Variants in PLCB4 observed in about 807,000 individuals in gnomAD.
PLCB4 encodes phospholipase C beta 4.
Under a neutral mutation model 178.8 loss-of-function variants are expected in PLCB4, and 77 were observed. The observed-to-expected ratio is 0.43, with a 90% CI of 0.36 to 0.52. The LOEUF (loss-of-function observed/expected upper bound fraction) is 0.52. Ranked by LOEUF, PLCB4 falls within the 20% of genes least tolerant of loss-of-function variation. PLCB4 has a pLI of 0.00. For synonymous variants in PLCB4, 496 were observed against 490.8 expected, an observed-to-expected ratio of 1.01 and a Z score of -0.14; for missense variants, 1,024 against 1,453.4, an observed-to-expected ratio of 0.70 and a Z score of 4.80.
At chr20:9,457,288 C>G in intron 33 of PLCB4, 126 bp from the exon 34 acceptor site, 1 of 655,510 alleles carries the variant, frequency 1.5e-6, no homozygotes, top group East Asian at 2.7e-5. Context: ...CCAGTGTTGC[C>G]CAATGAGCCA....
At chr20:9,346,424 C>A (rs2033801207) in intron 7 of PLCB4, among the ~76,000 whole-genome samples, 1 of 152,194 alleles carries the variant, frequency 6.6e-6, no homozygotes, top group Admixed American at 6.5e-5. Context: ...CTGCTGAATA[C>A]TAAAGCAGCT....
chr20:9,196,481 GT>G (rs759703849), intron 2 of PLCB4, among the ~76,000 whole-genome samples: 2 of 152,166 alleles, frequency 1.3e-5, no homozygotes, highest in Non-Finnish European at 2.9e-5. Flanking sequence ...ACAGATGGTT[GT>G]TGCTTCCTTG....
intron 2 of PLCB4, among the ~76,000 whole-genome samples, chr20:9,185,023 A>C (rs1264233761): frequency 1.3e-5 from 2 of 152,206 alleles, no homozygotes; most frequent in African/African-American, 4.8e-5. Context: ...CCTGGGCTCA[A>C]GCCATCCTTC....
chr20:9,401,425 T>A, intron 19 of PLCB4, 65 bp from the exon 20 acceptor site: 1 of 1,070,944 alleles, frequency 9.3e-7, no homozygotes, highest in Non-Finnish European at 1.4e-6. Flanking sequence ...CCCAAGATTG[T>A]GAACAAGGTC....
intron 2 of PLCB4, among the ~76,000 whole-genome samples, chr20:9,154,909 T>TTCCTTCCTTCCC (rs2092759160): frequency 1.5e-5 from 1 of 67,142 alleles, no homozygotes; most frequent in Non-Finnish European, 2.9e-5. Flanking sequence ...CCTTCCCTCC[T>TTCCTTCCTTCCC]TCCTTCCTTC....
intron 2 of PLCB4, among the ~76,000 whole-genome samples, chr20:9,096,618 CAATA>C (rs1046038637): frequency 6.6e-6 from 1 of 152,078 alleles, no homozygotes; most frequent in African/African-American, 2.4e-5. Context: ...TTTTTTATTG[CAATA>C]CATTTATTTC....
intron 4 of PLCB4, among the ~76,000 whole-genome samples, chr20:9,319,600 A>C (rs2094936900): frequency 6.6e-6 from 1 of 152,170 alleles, no homozygotes; most frequent in South Asian, 2.1e-4. Context: ...ATGGTGTGTA[A>C]GTGTCAGTTG....
intron 2 of PLCB4, among the ~76,000 whole-genome samples, chr20:9,179,419 G>T (rs958754126): frequency 1.3e-5 from 2 of 152,128 alleles, no homozygotes; most frequent in Non-Finnish European, 2.9e-5. Context: ...CTAGAAGCTT[G>T]AATGACAATG....
At chr20:9,341,014 A>G (rs1000366198) in intron 7 of PLCB4, among the ~76,000 whole-genome samples, 1 of 152,082 alleles carries the variant, frequency 6.6e-6, no homozygotes, top group Non-Finnish European at 1.5e-5. Context: ...GAGGTAAAGG[A>G]ACTCTGAGAC....
At chr20:9,371,963 G>A (rs1223783183) in intron 10 of PLCB4, among the ~76,000 whole-genome samples, 1 of 152,142 alleles carries the variant, frequency 6.6e-6, no homozygotes, top group African/African-American at 2.4e-5. Context: ...GATTTATTCA[G>A]CATCCCTCAG....
intron 2 of PLCB4, among the ~76,000 whole-genome samples, chr20:9,116,147 G>A (rs1474977): frequency 0.47 from 70,409 of 151,036 alleles, 17,038 homozygotes; most frequent in Middle Eastern, 0.57. Flanking sequence ...GTGTGTGTGC[G>A]CGTGTGTGTG....
Position 9,459,673 on chromosome 20 carries a change from A to G in PLCB4, c.3111A>G (p.Ser1037=), listed in dbSNP as rs1487213944. The change falls in exon 35 of 40, where the codon TCA becomes TCG. Residue 1037 remains serine, a synonymous_variant. Transcript: ENST00000378473. Reference sequence around the variant, plus strand: ...TAGCACAGCACACAAAGGAATGGTCAGAAATGATCAATACCCACAGTGCTG... The same window carrying G: ...TAGCACAGCACACAAAGGAATGGTCGGAAATGATCAATACCCACAGTGCTG... ...EIVAQHTKEW[S]EMINTHSAEE... 1 of 1,613,084 alleles carries G rather than the reference A, an allele frequency of 6.2e-7. No homozygotes were observed. Among genetic ancestry groups the G allele is most frequent in the Non-Finnish European group, 8.5e-7 (1 of 1,179,144 alleles).
intron 3 of PLCB4, among the ~76,000 whole-genome samples, chr20:9,239,185 G>A (rs2094028175): frequency 6.6e-6 from 1 of 152,046 alleles, no homozygotes. Flanking sequence ...TCCTTACCCT[G>A]TAAGATGGTG....
intron 2 of PLCB4, among the ~76,000 whole-genome samples, chr20:9,202,556 G>C (rs761166189): frequency 7.9e-5 from 12 of 151,950 alleles, no homozygotes; most frequent in Non-Finnish European, 1.6e-4. Flanking sequence ...ATTATTCATG[G>C]CATGATGGAC....
In PLCB4 at chr20:9,161,364, T is replaced by C. The variant is rs187440042; in HGVS notation, c.-78-56026T>C. On this transcript the variant is annotated intron_variant, in intron 2 of 39. Coordinates refer to ENST00000378473, the MANE Select transcript of PLCB4 (RefSeq NM_001377142.1). ...TTTTAAAGGGAAAGTTCTAGTTTTA[T>C]AGGGAAGATAACGTTGGCTTGTGAA... Among the ~76,000 whole-genome samples, 36 of 152,356 alleles carry C rather than the reference T, an allele frequency of 2.4e-4. No homozygotes were observed. In the East Asian group the frequency reaches 5.4e-3, roughly 23 times the overall value.
chr20:9,235,385 G>A (rs553335972), intron 3 of PLCB4, among the ~76,000 whole-genome samples: 1 of 152,256 alleles, frequency 6.6e-6, no homozygotes, highest in East Asian at 1.9e-4. Flanking sequence ...GCTCCTGTTA[G>A]GCCATAAATG....
intron 3 of PLCB4, among the ~76,000 whole-genome samples, chr20:9,236,936 A>G (rs1321967884): frequency 6.6e-6 from 1 of 152,156 alleles, no homozygotes; most frequent in Non-Finnish European, 1.5e-5. Flanking sequence ...TTATGTGTTG[A>G]ACACATAGGA....
In PLCB4 at chr20:9,280,301, C is replaced by T. The variant is rs144521776; in HGVS notation, c.-15-27499C>T. On this transcript the variant is annotated intron_variant, in intron 3 of 39. Transcript: ENST00000378473. ...AATTTCTAAGCCCTTTGGTACTCCTCCCATTTCCTGCGGAATTTTGATTGT... is the reference window on the plus strand; with the variant it reads ...AATTTCTAAGCCCTTTGGTACTCCTTCCATTTCCTGCGGAATTTTGATTGT... The T allele has an allele frequency of 5.9e-3, 1,219 of 207,498 alleles. 3 individuals are homozygous for T. The highest frequency in any genetic ancestry group is 0.015 in the Middle Eastern group (6 of 398). The allele number at this position is 207,498 out of a possible 1,614,324, so 12.9% of individuals were successfully genotyped here. A position where few individuals can be genotyped will look rare whatever the true frequency, so the allele number is the denominator to read the frequency against.
At chr20:9,421,543 G>A (rs187406104) in intron 27 of PLCB4, 82 bp downstream of exon 27, 7 of 1,075,780 alleles carry the variant, frequency 6.5e-6, no homozygotes, top group Admixed American at 5.7e-5. Context: ...CGATACAGGG[G>A]CACTTATTCA....
Sources: gnomAD v4.1 joint callset for allele counts (sites outside exome capture counted in the v4.1 genomes callset) on GRCh38, gnomAD v4.1.1 for gene constraint, MANE v1.5 for transcripts, NCBI Gene and HGNC (gene_info 2026-07-23, HGNC 2026-07-21) for gene names.